The following MSR1 variants were observed in gnomAD, a reference collection of about 807,000 sequenced individuals.
MSR1 encodes macrophage scavenger receptor 1.
MSR1 carries 53 observed loss-of-function variants against 47.2 expected under a neutral mutation model. The observed-to-expected ratio is 1.12, with a 90% CI of 0.90 to 1.41. The LOEUF (loss-of-function observed/expected upper bound fraction) is 1.41. Among genes scored for constraint, MSR1 ranks in the 40% most tolerant of loss-of-function variants. The probability of loss-of-function intolerance (pLI) is 0.00; values close to 1 mark genes in which losing one functional copy is unlikely to be tolerated. For synonymous variants in MSR1, 239 were observed against 185.6 expected, an observed-to-expected ratio of 1.29 and a Z score of -2.34; for missense variants, 786 against 546.9, an observed-to-expected ratio of 1.44 and a Z score of -4.36.
intron 8 of MSR1, among the ~76,000 whole-genome samples, chr8:16,136,609 C>T (rs1056720457): frequency 6.6e-6 from 1 of 152,026 alleles, no homozygotes; most frequent in African/African-American, 2.4e-5. Context: ...TAATGGAATG[C>T]TGCATTTTTT....
chr8:16,137,921 G>A (rs1800431151), intron 8 of MSR1, among the ~76,000 whole-genome samples: 1 of 151,618 alleles, frequency 6.6e-6, no homozygotes, highest in Non-Finnish European at 1.5e-5. Flanking sequence ...AAGCCCAGGA[G>A]CTTAAAGCTG....
At chr8:16,154,747 T>C (rs1235587479) in intron 6 of MSR1, among the ~76,000 whole-genome samples, 2 of 151,990 alleles carry the variant, frequency 1.3e-5, no homozygotes, top group African/African-American at 2.4e-5. Context: ...CTTATACTGT[T>C]TGCTGTCTAT....
rs1250133401 is a variant in MSR1, at chr8:16,109,687, GTAAT to G, written c.*394_*397del. ...TCTGATCCCTTCCGTTATTCAGAAA[GTAAT>G]TAAAATCAACTAAATAGATTACAAA... On this transcript the variant is annotated 3_prime_UTR_variant, in exon 10 of 10. Coordinates refer to ENST00000262101, the MANE Select transcript of MSR1 (RefSeq NM_138715.3). 1 of 197,506 alleles carries G rather than the reference GTAAT, an allele frequency of 5.1e-6. No homozygotes were observed. The highest frequency in any genetic ancestry group is 1.0e-5 in the Non-Finnish European group (1 of 95,256). 12.2% of individuals were successfully genotyped at this position (197,506 alleles called of 1,614,324 possible).
Position 16,122,522 on chromosome 8 carries a change from T to G in MSR1, c.1034-1916A>C, listed in dbSNP as rs183092523. Among the ~76,000 whole-genome samples, 45 of 152,256 alleles carry G rather than the reference T, an allele frequency of 3.0e-4. No homozygotes were observed. In the East Asian group the frequency reaches 8.5e-3, roughly 29 times the overall value. On this transcript the variant is annotated intron_variant, in intron 8 of 9. Coordinates refer to ENST00000262101, the MANE Select transcript of MSR1 (RefSeq NM_138715.3). ...TGAATGTAAGCATTCTCACTGCCCATTGTTTACCTCTTACTCCTTCCAAAA... is the reference window on the plus strand; with the variant it reads ...TGAATGTAAGCATTCTCACTGCCCAGTGTTTACCTCTTACTCCTTCCAAAA...
chr8:16,168,402 C>G, intron 4 of MSR1, 56 bp downstream of exon 4: 1 of 1,593,202 alleles, frequency 6.3e-7, no homozygotes, highest in Non-Finnish European at 8.6e-7. Context: ...CCTAAGGAGA[C>G]GAGACTTGGA....
chr8:16,190,690 T>C (rs1585206124), intron 1 of MSR1, among the ~76,000 whole-genome samples: 1 of 152,038 alleles, frequency 6.6e-6, no homozygotes. Flanking sequence ...TTTCCCTATT[T>C]AGTTTTTTTA....
intron 5 of MSR1, among the ~76,000 whole-genome samples, chr8:16,161,110 T>C (rs1801150494): frequency 6.8e-6 from 1 of 147,236 alleles, no homozygotes; most frequent in Admixed American, 7.0e-5. Context: ...GCGGATGTAA[T>C]ACACCAGACT....
At chr8:16,143,730 G>A (rs1800624509) in intron 7 of MSR1, 119 bp from the exon 8 acceptor site, 9 of 725,736 alleles carry the variant, frequency 1.2e-5, no homozygotes, top group East Asian at 2.7e-5. Flanking sequence ...ATATTGAAAT[G>A]TATAATAACA....
At chr8:16,131,043 G>T (rs1194772942) in intron 8 of MSR1, among the ~76,000 whole-genome samples, 1 of 152,028 alleles carries the variant, frequency 6.6e-6, no homozygotes, top group Non-Finnish European at 1.5e-5. Context: ...TAAGTTCTTT[G>T]ATAAACCACC....
At chr8:16,126,787 G>C (rs1800139055) in intron 8 of MSR1, among the ~76,000 whole-genome samples, 2 of 152,108 alleles carry the variant, frequency 1.3e-5, no homozygotes, top group Admixed American at 1.3e-4. Context: ...CAACTCCTGA[G>C]CTCAAGCGAT....
chr8:16,141,012 C>T (rs1258351977), intron 8 of MSR1: 1 of 1,613,518 alleles, frequency 6.2e-7, no homozygotes, highest in Admixed American at 1.7e-5. Context: ...TTAAGAGGGC[C>T]CTGCCCTAAT....
In MSR1 at chr8:16,110,024, A is replaced by C; in HGVS notation, c.*61T>G. On this transcript the variant is annotated 3_prime_UTR_variant, in exon 10 of 10. Coordinates refer to ENST00000262101, the MANE Select transcript of MSR1 (RefSeq NM_138715.3). ...TATTGATTAAATGGATTTTACAGGA[A>C]CAAGGTAATAAAATCATTTTTGAGC... 1 of 1,590,294 alleles carries C rather than the reference A, an allele frequency of 6.3e-7. No individual in the cohort carries two copies. Among genetic ancestry groups the C allele is most frequent in the Non-Finnish European group, 8.6e-7 (1 of 1,160,312 alleles).
chr8:16,188,456 C>T (rs577294011), intron 1 of MSR1, among the ~76,000 whole-genome samples: 1 of 151,996 alleles, frequency 6.6e-6, no homozygotes, highest in African/African-American at 2.4e-5. Context: ...CTTAAAATCA[C>T]CTCATTATTT....
At chr8:16,155,041 T>TTAAA (rs1423303098) in intron 6 of MSR1, 23 bp downstream of exon 6, 1 of 1,590,066 alleles carries the variant, frequency 6.3e-7, no homozygotes, top group East Asian at 2.2e-5. Context: ...CAGTATATGA[T>TTAAA]TAAATAGCTA....
At chr8:16,114,408 T>C (rs920444850) in intron 9 of MSR1, among the ~76,000 whole-genome samples, 3 of 152,252 alleles carry the variant, frequency 2.0e-5, no homozygotes, top group South Asian at 4.1e-4. Context: ...GAAGAAGCAA[T>C]AGTTACTCCA....
At chr8:16,139,400 G>C in intron 8 of MSR1, 2 of 932,498 alleles carry the variant, frequency 2.1e-6, no homozygotes, top group Non-Finnish European at 2.6e-6. Context: ...AACCCTGTGA[G>C]GTAGGTGTTA....
At chr8:16,155,389 G>T (rs370557267) in intron 5 of MSR1, among the ~76,000 whole-genome samples, 1 of 151,986 alleles carries the variant, frequency 6.6e-6, no homozygotes, top group African/African-American at 2.4e-5. Context: ...ATGTGAGTGT[G>T]CCTAACACTT....
chr8:16,135,156 G>C (rs183452395), intron 8 of MSR1, among the ~76,000 whole-genome samples: 1 of 152,304 alleles, frequency 6.6e-6, no homozygotes, highest in Non-Finnish European at 1.5e-5. Flanking sequence ...TTTCAATGTA[G>C]ATGAAACAGC....
intron 7 of MSR1, among the ~76,000 whole-genome samples, chr8:16,144,270 C>T (rs1800639345): frequency 6.6e-6 from 1 of 152,010 alleles, no homozygotes; most frequent in Admixed American, 6.6e-5. Context: ...CACCCACTGT[C>T]CCATTTTTAA....
Sources: gnomAD v4.1 joint callset for allele counts (sites outside exome capture counted in the v4.1 genomes callset) on GRCh38, gnomAD v4.1.1 for gene constraint, MANE v1.5 for transcripts, NCBI Gene and HGNC (gene_info 2026-07-23, HGNC 2026-07-21) for gene names.